The following MID2 variants were observed in gnomAD, a reference collection of about 807,000 sequenced individuals.
MID2 encodes the protein probable E3 ubiquitin-protein ligase MID2.
Under a neutral mutation model 46.1 loss-of-function variants are expected in MID2, and 13 were observed. That is an observed-to-expected ratio of 0.28 (90% CI 0.18 to 0.45). The LOEUF is 0.45. MID2 is among the 20% of genes least tolerant of loss of function. MID2 has a pLI of 1.00. For synonymous variants in MID2, 199 were observed against 212.3 expected (o/e 0.94, Z 0.55); for missense variants, 431 against 575.4 (o/e 0.75, Z 2.57).
At chrX:107,913,635 G>A (rs1211509891) in intron 5 of MID2, among the ~76,000 whole-genome samples, 1 of 111,399 alleles carries the variant, frequency 9.0e-6, no homozygotes, top group Admixed American at 9.5e-5. Context: ...TCATAAAGTT[G>A]GACTTTTTAA....
intron 3 of MID2, among the ~76,000 whole-genome samples, chrX:107,887,088 C>G (rs1398603340): frequency 1.8e-5 from 2 of 111,509 alleles, no homozygotes; most frequent in African/African-American, 3.3e-5. Flanking sequence ...ATTTGACTTC[C>G]TCTTTTCCTA....
intron 3 of MID2, among the ~76,000 whole-genome samples, chrX:107,871,923 G>A (rs1275902862): frequency 9.0e-6 from 1 of 111,294 alleles, no homozygotes; most frequent in Non-Finnish European, 1.9e-5. Context: ...GCTTTCAAGC[G>A]GGAAAATAGG....
intron 3 of MID2, among the ~76,000 whole-genome samples, chrX:107,885,421 T>C (rs1932430612): frequency 9.1e-6 from 1 of 110,427 alleles, no homozygotes; most frequent in Admixed American, 9.7e-5. Flanking sequence ...GGTTTCCAGC[T>C]TCATCCATGT....
Position 107,905,537 on chromosome X carries a change from G to A in MID2, c.984G>A (p.Arg328=), listed in dbSNP as rs763821582. 6 of 1,205,718 alleles carry A rather than the reference G, an allele frequency of 5.0e-6. No homozygotes were observed. In the African/African-American group the frequency reaches 1.1e-4, roughly 21 times the overall value. Residue 328 remains arginine, a synonymous_variant, in exon 5 of 10, where the codon CGG becomes CGA. Coordinates refer to ENST00000262843, the MANE Select transcript of MID2 (RefSeq NM_012216.4). ...QVANCRQCLE[R]STVLINQAEH... ...CTAATTGCCGCCAGTGTCTTGAACGGTCAACAGTCCTCATCAACCAAGCTG... is the reference window on the plus strand; with the variant it reads ...CTAATTGCCGCCAGTGTCTTGAACGATCAACAGTCCTCATCAACCAAGCTG...
At chrX:107,872,630 A>C (rs774236504) in intron 3 of MID2, among the ~76,000 whole-genome samples, 1 of 111,790 alleles carries the variant, frequency 8.9e-6, no homozygotes, top group South Asian at 3.8e-4. Context: ...TCAGTGCCAT[A>C]AGAGTAGAAA....
intron 5 of MID2, among the ~76,000 whole-genome samples, chrX:107,913,016 G>A (rs923867439): frequency 5.4e-5 from 6 of 110,320 alleles, no homozygotes; most frequent in African/African-American, 1.3e-4. Flanking sequence ...CAACAAGATC[G>A]CTAATGTTGT....
At chrX:107,878,677 A>G (rs1932254368) in intron 3 of MID2, among the ~76,000 whole-genome samples, 1 of 111,988 alleles carries the variant, frequency 8.9e-6, no homozygotes, top group Non-Finnish European at 1.9e-5. Flanking sequence ...CAGCTGCCCC[A>G]GGACTTTATT....
At chrX:107,829,441 A>G (rs1052832526) in intron 1 of MID2, among the ~76,000 whole-genome samples, 1 of 112,608 alleles carries the variant, frequency 8.9e-6, no homozygotes, top group African/African-American at 3.2e-5. Flanking sequence ...TAACCTAACA[A>G]TCTGAGTCAG....
intron 3 of MID2, among the ~76,000 whole-genome samples, chrX:107,896,812 TCA>T (rs755737344): frequency 4.3e-4 from 46 of 107,391 alleles, no homozygotes; most frequent in Non-Finnish European, 6.8e-4. Context: ...TCTCTCTCTC[TCA>T]CACACACACA....
chrX:107,886,521 T>G (rs1208689697), intron 3 of MID2, among the ~76,000 whole-genome samples: 1 of 112,262 alleles, frequency 8.9e-6, no homozygotes, highest in Non-Finnish European at 1.9e-5. Flanking sequence ...TTTTGGTTAC[T>G]GTAGCCTTGT....
At chrX:107,890,941 G>A (rs1327217754) in intron 3 of MID2, among the ~76,000 whole-genome samples, 3 of 110,508 alleles carry the variant, frequency 2.7e-5, no homozygotes, top group Non-Finnish European at 5.7e-5. Context: ...AATCTGGTGT[G>A]CCGTTTGCTA....
At chrX:107,845,860 TTCTC>T (rs1268700566) in intron 2 of MID2, among the ~76,000 whole-genome samples, 2 of 111,179 alleles carry the variant, frequency 1.8e-5, no homozygotes, top group African/African-American at 3.3e-5. Flanking sequence ...GCATATGACT[TTCTC>T]AACCAGTGTA....
At chrX:107,869,749 T>C (rs1332542411) in intron 3 of MID2, among the ~76,000 whole-genome samples, 1 of 111,376 alleles carries the variant, frequency 9.0e-6, no homozygotes, top group Non-Finnish European at 1.9e-5. Flanking sequence ...TCTATTTCCA[T>C]TTTTAAAAGC....
intron 3 of MID2, among the ~76,000 whole-genome samples, chrX:107,871,347 C>T (rs993980291): frequency 3.6e-5 from 4 of 111,159 alleles, no homozygotes; most frequent in African/African-American, 1.3e-4. Flanking sequence ...AGGGGGAGCG[C>T]AGGTGAGCAG....
chrX:107,835,475 G>C (rs1327673852), intron 1 of MID2, among the ~76,000 whole-genome samples: 1 of 112,223 alleles, frequency 8.9e-6, no homozygotes. Context: ...TGCAATGTAT[G>C]AGGGTTCTAA....
At chrX:107,908,199 A>AT (rs1383201590) in intron 5 of MID2, among the ~76,000 whole-genome samples, 1 of 111,689 alleles carries the variant, frequency 9.0e-6, no homozygotes, top group Non-Finnish European at 1.9e-5. Context: ...GGTAGTTTTA[A>AT]TTTTTTTCAA....
At position 107,907,037 on chromosome X, in the gene MID2, T is replaced by C. The variant is rs147574191; in HGVS notation, c.1073+1411T>C. On this transcript the variant is annotated intron_variant, in intron 5 of 9. Coordinates refer to ENST00000262843, the MANE Select transcript of MID2 (RefSeq NM_012216.4). ...AGGATCTGTGATTTCTCACTTCAGA[T>C]ACTCTCTTTTCAATATTCTCAATCC... Among the ~76,000 whole-genome samples the C allele has an allele frequency of 9.6e-3, 1,079 of 112,207 alleles. 14 individuals are homozygous for C. The highest frequency in any genetic ancestry group is 0.033 in the African/African-American group (1,010 of 30,858).
intron 3 of MID2, among the ~76,000 whole-genome samples, chrX:107,855,791 A>C (rs1327127410): frequency 8.9e-6 from 1 of 112,035 alleles, no homozygotes; most frequent in African/African-American, 3.2e-5. Context: ...GTGTACTTGT[A>C]TGATGAGCAT....
At chrX:107,885,102 C>CTTATTTAT (rs758914133) in intron 3 of MID2, among the ~76,000 whole-genome samples, 1,541 of 105,461 alleles carry the variant, frequency 0.015, 17 homozygotes, top group African/African-American at 0.052. Context: ...AGGAGAATCT[C>CTTATTTAT]TTATTTATTT....
Sources: gnomAD v4.1 joint callset for allele counts (sites outside exome capture counted in the v4.1 genomes callset) on GRCh38, gnomAD v4.1.1 for gene constraint, MANE v1.5 for transcripts, NCBI Gene and HGNC (gene_info 2026-07-23, HGNC 2026-07-21) for gene names.